Variants in CCDC33 observed in about 807,000 individuals in gnomAD.
CCDC33 encodes the protein coiled-coil domain containing 33, also known as coiled-coil domain-containing protein 33.
In CCDC33, 94 loss-of-function variants were observed where a neutral mutation model predicts 91.9. That is an observed-to-expected ratio of 1.02 (90% CI 0.87 to 1.21). The LOEUF is 1.21. Among genes scored for constraint, CCDC33 ranks in the 50% most tolerant of loss-of-function variants. The pLI is 0.00. For missense variants in CCDC33, 940 were observed against 935.5 expected (o/e 1.00, Z -0.06); for synonymous variants, 396 against 374.5 (o/e 1.06, Z -0.66).
At chr15:74,208,153 C>T in intron 1 of CCDC33, 3 of 793,346 alleles carry the variant, frequency 3.8e-6, no homozygotes, top group South Asian at 2.9e-5. Context: ...TCTTTCCCTC[C>T]CAGAGGGCTA....
Position 74,280,788 on chromosome 15 carries a change from G to A in CCDC33, c.1010G>A (p.Arg337Gln), listed in dbSNP as rs773877675. 1.4e-5 allele frequency: 22 copies of A among 1,538,108 alleles called. No homozygotes were observed. The highest frequency in any genetic ancestry group is 5.6e-5 in the African/African-American group (4 of 71,116). The change falls in exon 9 of 19, where the codon CGG becomes CAG. Residue 337 changes from arginine to glutamine, a missense_variant. Coordinates refer to ENST00000398814, the MANE Select transcript of CCDC33 (RefSeq NM_025055.5). The part of the protein sequence containing the change: ...GKGLDGLHVE[R>Q]LPIMDTSLKT... ...GGCTTGGACGGGCTTCACGTGGAGC[G>A]GCTCCCCATCATGGTGAGCCCCCTG...
rs760368069 is a variant in CCDC33, at chr15:74,280,808, C to A, written c.1023+7C>A. On this transcript the variant is annotated splice_region_variant and intron_variant, in intron 9 of 18. Transcript: ENST00000398814. ...GGAGCGGCTCCCCATCATGGTGAGCCCCCTGCCCTGAACTGGGCCCCTAGC... is the reference window on the plus strand; with the variant it reads ...GGAGCGGCTCCCCATCATGGTGAGCACCCTGCCCTGAACTGGGCCCCTAGC... The A allele has an allele frequency of 3.3e-6, 5 of 1,500,980 alleles. No individual in the cohort carries two copies. Among genetic ancestry groups the A allele is most frequent in the Non-Finnish European group, 1.8e-6 (2 of 1,123,474 alleles). The allele number at this position is 1,500,980 out of a possible 1,614,324, so 93.0% of individuals were successfully genotyped here.
At chr15:74,308,064 C>T (rs2059923768) in intron 11 of CCDC33, among the ~76,000 whole-genome samples, 1 of 152,094 alleles carries the variant, frequency 6.6e-6, no homozygotes, top group South Asian at 2.1e-4. Context: ...AGGTCTAAAG[C>T]GGGCACGGGC....
intron 2 of CCDC33, among the ~76,000 whole-genome samples, chr15:74,222,372 C>T (rs372689897): frequency 6.6e-6 from 1 of 151,246 alleles, no homozygotes; most frequent in Admixed American, 6.6e-5. Context: ...CCCTCCCACA[C>T]AGCTCTGAGC....
At chr15:74,254,109 T>C (rs542584505) in intron 2 of CCDC33, among the ~76,000 whole-genome samples, 162 of 152,304 alleles carry the variant, frequency 1.1e-3, no homozygotes, top group Non-Finnish European at 1.9e-3. Flanking sequence ...CTCAGCTCAC[T>C]GCAACCTCTG....
At chr15:74,269,328 C>A (rs2076253534) in intron 5 of CCDC33, among the ~76,000 whole-genome samples, 1 of 152,204 alleles carries the variant, frequency 6.6e-6, no homozygotes, top group Non-Finnish European at 1.5e-5. Context: ...TTCCCACCAG[C>A]ACCGTGGGCC....
At chr15:74,232,389 C>A (rs11632233), upstream of CCDC33, among the ~76,000 whole-genome samples, 68,558 of 152,048 alleles carry the variant, frequency 0.45, 18,806 homozygotes, top group Non-Finnish European at 0.63. Context: ...CTGTGAGAAG[C>A]CTTCCCTGAC....
At position 74,316,198 on chromosome 15, in the gene CCDC33, C is replaced by G. The variant is rs1006586647; in HGVS notation, c.1291-13991C>G. ...CCTCCCTGGCTTCATGGGGCAGGCT[C>G]AAGTCCCTCAAGGGCGCGGCTTCCC... On this transcript the variant is annotated intron_variant, in intron 11 of 18. Coordinates refer to ENST00000398814, the MANE Select transcript of CCDC33 (RefSeq NM_025055.5). This position sits in a 1 kb window ranked among gnomAD's most constrained non-coding sequence, Gnocchi z 4.7. Among the ~76,000 whole-genome samples, 1 of 152,150 alleles carries G rather than the reference C, an allele frequency of 6.6e-6. No homozygotes were observed.
chr15:74,318,552 G>A, intron 11 of CCDC33: 2 of 696,492 alleles, frequency 2.9e-6, no homozygotes. Context: ...ACAGTCCCTG[G>A]GGACCCATCC....
chr15:74,262,182 C>G (rs896366893), intron 2 of CCDC33, among the ~76,000 whole-genome samples: 8 of 152,200 alleles, frequency 5.3e-5, no homozygotes, highest in African/African-American at 1.9e-4. Flanking sequence ...CATCCCTACC[C>G]CTGCCCTGAG....
At chr15:74,223,052 T>C (rs1381962996) in intron 2 of CCDC33, among the ~76,000 whole-genome samples, 1 of 152,054 alleles carries the variant, frequency 6.6e-6, no homozygotes, top group African/African-American at 2.4e-5. Flanking sequence ...AACTTTACTC[T>C]TTACTGCCCG....
intron 10 of CCDC33, among the ~76,000 whole-genome samples, chr15:74,290,659 ATGGAGGCATGACAGTGTC>A (rs2059569091): frequency 6.6e-6 from 1 of 152,220 alleles, no homozygotes; most frequent in Non-Finnish European, 1.5e-5. Context: ...GTGCAAAGGC[ATGGAGGCATGACAGTGTC>A]TGGAGCACAT....
intron 2 of CCDC33, among the ~76,000 whole-genome samples, chr15:74,248,252 C>T (rs991283787): frequency 3.8e-5 from 4 of 104,662 alleles, no homozygotes; most frequent in Non-Finnish European, 9.3e-5. Flanking sequence ...ATTTTAAATA[C>T]ATCTAAATTT....
At chr15:74,258,589 G>A (rs1228212502) in intron 2 of CCDC33, among the ~76,000 whole-genome samples, 1 of 152,140 alleles carries the variant, frequency 6.6e-6, no homozygotes, top group African/African-American at 2.4e-5. Flanking sequence ...ACACCTCTCT[G>A]GGCAGCCTTT....
At chr15:74,333,780 C>A in intron 16 of CCDC33, 101 bp from the exon 17 acceptor site, 1 of 917,410 alleles carries the variant, frequency 1.1e-6, no homozygotes, top group Non-Finnish European at 1.7e-6. Flanking sequence ...AGTCTGAACT[C>A]AGGCCTGACT....
At chr15:74,288,675 A>C (rs2059525282) in intron 10 of CCDC33, among the ~76,000 whole-genome samples, 1 of 152,112 alleles carries the variant, frequency 6.6e-6, no homozygotes, top group Non-Finnish European at 1.5e-5. Flanking sequence ...ATCTCAGCCC[A>C]TCTTCTAAGC....
chr15:74,295,891 GTCCAC>G lies in CCDC33; in HGVS notation c.1239_1243del (p.Pro414ArgfsTer10), dbSNP rs774758633. 6.2e-7 allele frequency: 1 copy of G among 1,613,976 alleles called. No individual in the cohort carries two copies. Among genetic ancestry groups the G allele is most frequent in the African/African-American group, 1.3e-5 (1 of 74,926 alleles). ...TGAGCTCCACAATGGACTTGAGCAC[GTCCAC>G]TCCACGAGAAGCAGAGGAGGAACCT... On this transcript the variant is annotated frameshift_variant, in exon 11 of 19. Transcript: ENST00000398814. LOFTEE classifies it high-confidence loss of function.
intron 11 of CCDC33, among the ~76,000 whole-genome samples, chr15:74,310,984 G>T (rs575283250): frequency 1.3e-5 from 2 of 152,190 alleles, no homozygotes; most frequent in Non-Finnish European, 2.9e-5. Flanking sequence ...CAGTGAGGTG[G>T]TTTTCCGCAA....
At chr15:74,333,499 G>C (rs571392760) in intron 16 of CCDC33, among the ~76,000 whole-genome samples, 1 of 152,214 alleles carries the variant, frequency 6.6e-6, no homozygotes, top group Admixed American at 6.5e-5. Context: ...GGTGAGTTCT[G>C]TTGAAAGCAC....
Sources: gnomAD v4.1 joint callset for allele counts (sites outside exome capture counted in the v4.1 genomes callset) on GRCh38, gnomAD v4.1.1 for gene constraint, Gnocchi (gnomAD v3.1) non-coding constraint, MANE v1.5 for transcripts, NCBI Gene and HGNC (gene_info 2026-07-23, HGNC 2026-07-21) for gene names.